Variants in MAGEE1 observed in about 807,000 individuals in gnomAD.
MAGEE1 encodes the protein melanoma-associated antigen E1.
In MAGEE1, 3 loss-of-function variants were observed where a neutral mutation model predicts 12.0. That is an observed-to-expected ratio of 0.25 (90% CI 0.11 to 0.65). The LOEUF (loss-of-function observed/expected upper bound fraction) is 0.65. Among genes scored for constraint, MAGEE1 ranks in the 30% least tolerant of loss-of-function variants. MAGEE1 has a pLI of 0.84. For missense variants in MAGEE1, 729 were observed against 772.2 expected (o/e 0.94, Z 0.66); for synonymous variants, 414 against 326.1 (o/e 1.27, Z -2.91).
At position 76,428,350 on chromosome X, in the gene MAGEE1, G is replaced by C. The variant is rs781983012; in HGVS notation, c.420G>C (p.Arg140Ser). ...CCTCTGAGGGCCGGAACACCTCCAG[G>C]CCGCCCACTTCCTCTGAGGAACCTA... ...LAASEGRNTS[R>S]PPTSSEEPST... Residue 140 changes from arginine to serine, a missense_variant, in exon 1 of 1, where the codon AGG becomes AGC. Coordinates refer to ENST00000361470, the MANE Select transcript of MAGEE1 (RefSeq NM_020932.3). 6.6e-6 allele frequency: 8 copies of C among 1,210,456 alleles called. No individual in the cohort carries two copies. The highest frequency in any genetic ancestry group is 8.9e-6 in the Non-Finnish European group (8 of 895,242).
chrX:76,429,199 C>T lies in MAGEE1; in HGVS notation c.1269C>T (p.Asp423=). 8.3e-7 allele frequency: 1 copy of T among 1,212,090 alleles called. No homozygotes were observed. Among genetic ancestry groups the T allele is most frequent in the Non-Finnish European group, 1.1e-6 (1 of 895,575 alleles). ...TGTTTAGCTCTAGTGCTTCTGTGGA[C>T]CGGAACCCCTCCAAGTGTTCCCTTG... ...STLFSSSASV[D]RNPSKCSLVL... Residue 423 remains aspartate (D), a synonymous_variant, in exon 1 of 1, where the codon GAC becomes GAT. Transcript: ENST00000361470.
In MAGEE1 at chrX:76,429,998, G is replaced by T. The variant is rs1556839830; in HGVS notation, c.2068G>T (p.Ala690Ser). Residue 690 changes from alanine (A) to serine (S), a missense_variant, in exon 1 of 1, where the codon GCT becomes TCT. By Grantham distance (99) the Ala-to-Ser change is moderately conservative. Coordinates refer to ENST00000361470, the MANE Select transcript of MAGEE1 (RefSeq NM_020932.3). ...PMDWPEKYNE[A>S]LEEDAARAFA... ...GGATTGGCCAGAGAAATACAACGAAGCTCTGGAAGAAGATGCTGCCAGAGC... is the reference window on the plus strand; with the variant it reads ...GGATTGGCCAGAGAAATACAACGAATCTCTGGAAGAAGATGCTGCCAGAGC... 1 of 1,210,157 alleles carries T rather than the reference G, an allele frequency of 8.3e-7. No homozygotes were observed. The highest frequency in any genetic ancestry group is 2.2e-5 in the Admixed American group (1 of 45,910).
chrX:76,431,041 A>G lies in MAGEE1; in HGVS notation c.*237A>G. ...GCTGTCTCTGTTGTATTTTGGTATG[A>G]GTTTTGATAGCTCTATAAAATGTTT... On this transcript the variant is annotated 3_prime_UTR_variant, in exon 1 of 1. Transcript: ENST00000361470. The G allele has an allele frequency of 2.8e-6, 1 of 353,189 alleles. No homozygotes were observed. The highest frequency in any genetic ancestry group is 2.6e-5 in the African/African-American group (1 of 38,822). 29.1% of individuals were successfully genotyped at this position (353,189 alleles called of 1,213,427 possible).
Position 76,429,803 on chromosome X carries a change from A to G in MAGEE1, c.1873A>G (p.Lys625Glu). ...GAGGCTTTCCATTTTTGGGAACCCA[A>G]AGAGACTTCTGTCTGTGGAGTTTGT... The part of the protein sequence containing the change: ...ERRLSIFGNP[K>E]RLLSVEFVWQ... The change falls in exon 1 of 1, where the codon AAG becomes GAG. Residue 625 changes from lysine (K) to glutamate (E), a missense_variant. This residue lies in a region of MAGEE1 where 91 missense variants were observed against 133.8 expected (regional missense o/e 0.68). Transcript: ENST00000361470. 4 of 1,211,698 alleles carry G rather than the reference A, an allele frequency of 3.3e-6. No homozygotes were observed. The highest frequency in any genetic ancestry group is 4.5e-6 in the Non-Finnish European group (4 of 895,506).
In MAGEE1 at chrX:76,428,564, G is replaced by C. The variant is rs782033248; in HGVS notation, c.634G>C (p.Val212Leu). 1 of 1,206,079 alleles carries C rather than the reference G, an allele frequency of 8.3e-7. No individual in the cohort carries two copies. The highest frequency in any genetic ancestry group is 1.8e-5 in the African/African-American group (1 of 56,608). Residue 212 changes from valine (V) to leucine (L), a missense_variant, in exon 1 of 1, where the codon GTG (valine) becomes CTG (leucine). Transcript: ENST00000361470. ...ACCTGGTGAGGGACCAGGCACCTCCGTGCCGCTCGCCGCCACTGAGGGCCT... is the reference window on the plus strand; with the variant it reads ...ACCTGGTGAGGGACCAGGCACCTCCCTGCCGCTCGCCGCCACTGAGGGCCT... The part of the protein sequence containing the change: ...PTPGEGPGTS[V>L]PLAATEGLST...
In MAGEE1 at chrX:76,430,375, C is replaced by T. The variant is rs1923350228; in HGVS notation, c.2445C>T (p.Tyr815=). Residue 815 remains tyrosine, a synonymous_variant, in exon 1 of 1, where the codon TAC becomes TAT. Transcript: ENST00000361470. ...LDPRNHSYTL[Y]NRREMEETEE... ...CCAGGAATCACTCCTATACTCTGTA[C>T]AACCGAAGGGAGATGGAAGAAACTG... 2.5e-6 allele frequency: 3 copies of T among 1,210,262 alleles called. No homozygotes were observed. In the South Asian group the frequency reaches 5.3e-5, roughly 21 times the overall value.
Position 76,430,052 on chromosome X carries a change from C to A in MAGEE1, c.2122C>A (p.His708Asn), listed in dbSNP as rs1556839839. The A allele has an allele frequency of 6.6e-6, 8 of 1,209,073 alleles. No individual in the cohort carries two copies. The highest frequency in any genetic ancestry group is 8.9e-6 in the Non-Finnish European group (8 of 893,957). ...AFAEGWQALPHFRRPFFEEAA... is the reference protein window; with the variant it reads ...AFAEGWQALPNFRRPFFEEAA... ...TGCTGAGGGTTGGCAGGCTCTCCCT[C>A]ACTTTAGGAGGCCCTTTTTTGAGGA... The change falls in exon 1 of 1, where the codon CAC (histidine) becomes AAC (asparagine). Residue 708 changes from histidine (H) to asparagine (N), a missense_variant. Transcript: ENST00000361470.
rs1556839070 is a variant in MAGEE1 at position 76,427,948 on chromosome X, G to A, written c.18G>A (p.Gln6=). MSLVS[Q]NSRRRRRRVA... is the part of the protein sequence containing the mutation. Reference sequence around the variant, plus strand: ...GCAGGACCATGTCTCTGGTAAGCCAGAATTCGCGCCGCCGCCGCCGCCGCG... The same window carrying A: ...GCAGGACCATGTCTCTGGTAAGCCAAAATTCGCGCCGCCGCCGCCGCCGCG... The change falls in exon 1 of 1, where the codon CAG becomes CAA. Residue 6 remains glutamine, a synonymous_variant. Transcript: ENST00000361470. 11 of 1,199,255 alleles carry A rather than the reference G, an allele frequency of 9.2e-6. No homozygotes were observed. Among genetic ancestry groups the A allele is most frequent in the Non-Finnish European group, 1.2e-5 (11 of 890,388 alleles).
Position 76,429,531 on chromosome X carries a change from G to T in MAGEE1, c.1601G>T (p.Arg534Met), listed in dbSNP as rs1556839706. 1 of 1,209,513 alleles carries T rather than the reference G, an allele frequency of 8.3e-7. No individual in the cohort carries two copies. Among genetic ancestry groups the T allele is most frequent in the Admixed American group, 2.2e-5 (1 of 45,722 alleles). Residue 534 changes from arginine (R) to methionine (M), a missense_variant, in exon 1 of 1, where the codon AGG becomes ATG. Arg to Met is a moderately conservative substitution (Grantham distance 91). Coordinates refer to ENST00000361470, the MANE Select transcript of MAGEE1 (RefSeq NM_020932.3). ...EYRNQFPEIL[R>M]RAAAHLECIF... ...CGCAACCAGTTTCCTGAGATACTCA[G>T]GCGAGCAGCAGCCCACCTGGAGTGC... is the stretch of plus-strand genomic sequence containing the variant.
At position 76,427,735 on chromosome X, in the gene MAGEE1, G is replaced by A. The variant is rs1333178070; in HGVS notation, c.-196G>A. ...ACAGTGAGACTAGCATTCACTGCTG[G>A]CCAGTGCCTGCCTTTTTCACCACCT... On this transcript the variant is annotated 5_prime_UTR_variant, in exon 1 of 1. Transcript: ENST00000361470. 3 of 460,132 alleles carry A rather than the reference G, an allele frequency of 6.5e-6. No homozygotes were observed. The highest frequency in any genetic ancestry group is 4.8e-5 in the African/African-American group (2 of 41,531). The allele number at this position is 460,132 out of a possible 1,213,427, so 37.9% of individuals were successfully genotyped here. A position where few individuals can be genotyped will look rare whatever the true frequency, so the allele number is the denominator to read the frequency against.
In MAGEE1 at chrX:76,428,956, C is replaced by T; in HGVS notation, c.1026C>T (p.Thr342=). 8.3e-7 allele frequency: 1 copy of T among 1,210,822 alleles called. No individual in the cohort carries two copies. Among genetic ancestry groups the T allele is most frequent in the Non-Finnish European group, 1.1e-6 (1 of 895,378 alleles). The stretch of plus-strand genomic sequence containing the variant: ...CCACCGCCACTGAGGAGTTGAGCAC[C>T]TCCGTGCCGCCCACTCCCGGTGAGG... ...VPPTATEELS[T]SVPPTPGEGP... The change falls in exon 1 of 1, where the codon ACC becomes ACT. Residue 342 remains threonine (T), a synonymous_variant. Transcript: ENST00000361470.
rs782535838 is a variant in MAGEE1, at chrX:76,429,759, T to C, written c.1829T>C (p.Met610Thr). The change falls in exon 1 of 1, where the codon ATG becomes ACG. Residue 610 changes from methionine to threonine, a missense_variant. Around this residue, in one of 4 missense-constraint regions of MAGEE1, gnomAD observed 91 missense variants for 133.8 expected, o/e 0.68. Transcript: ENST00000361470. ...EAEIWEMLWRMGVQRERRLSI... is the reference protein window; with the variant it reads ...EAEIWEMLWRTGVQRERRLSI... Reference sequence around the variant, plus strand: ...GAGATTTGGGAAATGCTCTGGAGGATGGGGGTGCAGCGGGAAAGGAGGCTT... The same window carrying C: ...GAGATTTGGGAAATGCTCTGGAGGACGGGGGTGCAGCGGGAAAGGAGGCTT... 20 of 1,208,937 alleles carry C rather than the reference T, an allele frequency of 1.7e-5. No homozygotes were observed. The highest frequency in any genetic ancestry group is 2.2e-5 in the Non-Finnish European group (20 of 895,054).
In MAGEE1 at chrX:76,428,291, T is replaced by C. The variant is rs1556839186; in HGVS notation, c.361T>C (p.Ser121Pro). ...GLSTSGPPTI[S>P]KGLCTSVTLA... is the part of the protein sequence containing the mutation. ...AAGCACCTCCGGGCCTCCCACCATC[T>C]CTAAGGGGCTGTGCACCTCTGTGAC... is the stretch of plus-strand genomic sequence containing the variant. Residue 121 changes from serine to proline, a missense_variant, in exon 1 of 1, where the codon TCT (serine) becomes CCT (proline). Coordinates refer to ENST00000361470, the MANE Select transcript of MAGEE1 (RefSeq NM_020932.3). The C allele has an allele frequency of 5.0e-6, 6 of 1,202,662 alleles. No homozygotes were observed. The highest frequency in any genetic ancestry group is 6.7e-6 in the Non-Finnish European group (6 of 892,509).
Position 76,428,371 on chromosome X carries a change from A to G in MAGEE1, c.441A>G (p.Glu147=). 2 of 1,204,512 alleles carry G rather than the reference A, an allele frequency of 1.7e-6. No individual in the cohort carries two copies. The highest frequency in any genetic ancestry group is 2.2e-6 in the Non-Finnish European group (2 of 893,157). Residue 147 remains glutamate (E), a synonymous_variant, in exon 1 of 1, where the codon GAA becomes GAG. Transcript: ENST00000361470. ...CCAGGCCGCCCACTTCCTCTGAGGA[A>G]CCTAGCACCTCCGTGCCGCCCACCG... is the stretch of plus-strand genomic sequence containing the variant. ...NTSRPPTSSE[E]PSTSVPPTAS...
rs1923362999 is a variant in MAGEE1 at position 76,430,746 on chromosome X, A to T, written c.2816A>T (p.Asp939Val). The T allele has an allele frequency of 8.3e-7, 1 of 1,207,432 alleles. No homozygotes were observed. The highest frequency in any genetic ancestry group is 1.8e-5 in the African/African-American group (1 of 56,574). Reference sequence around the variant, plus strand: ...CAGCAGTACAGGGAGGCAATGGAAGATGAGGCCAATAGAGCTGATGTTGGG... The same window carrying T: ...CAGCAGTACAGGGAGGCAATGGAAGTTGAGGCCAATAGAGCTGATGTTGGG... Reference protein sequence around the residue: ...WPQQYREAMEDEANRADVGHR... With the variant: ...WPQQYREAMEVEANRADVGHR... The change falls in exon 1 of 1, where the codon GAT becomes GTT. Residue 939 changes from aspartate (D) to valine (V), a missense_variant. Coordinates refer to ENST00000361470, the MANE Select transcript of MAGEE1 (RefSeq NM_020932.3).
rs782813114 is a variant in MAGEE1, at chrX:76,429,418, T to C, written c.1488T>C (p.Ala496=). ...AAGACCCTATGGAACAGAACGTAGCTGAGCTGTTGCAGTTCCTGCTGGTGA... is the reference window on the plus strand; with the variant it reads ...AAGACCCTATGGAACAGAACGTAGCCGAGCTGTTGCAGTTCCTGCTGGTGA... ...KPQDPMEQNV[A]ELLQFLLVKD... Residue 496 remains alanine, a synonymous_variant, in exon 1 of 1, where the codon GCT becomes GCC. Coordinates refer to ENST00000361470, the MANE Select transcript of MAGEE1 (RefSeq NM_020932.3). 6.6e-6 allele frequency: 8 copies of C among 1,209,638 alleles called. No homozygotes were observed.
chrX:76,427,885 G>T lies in MAGEE1; in HGVS notation c.-46G>T, dbSNP rs781927616. On this transcript the variant is annotated 5_prime_UTR_variant, in exon 1 of 1. Transcript: ENST00000361470. The stretch of plus-strand genomic sequence containing the variant: ...TCCCGTCCTCTCTGCCAGATCGCGG[G>T]CCTGTCGGTGTCTGCTCCTACACGC... 1.1e-5 allele frequency: 13 copies of T among 1,147,475 alleles called. No individual in the cohort carries two copies. In the South Asian group the frequency reaches 2.7e-4, roughly 24 times the overall value. The allele number at this position is 1,147,475 out of a possible 1,213,427, so 94.6% of individuals were successfully genotyped here. A position where few individuals can be genotyped will look rare whatever the true frequency, so the allele number is the denominator to read the frequency against.
chrX:76,429,359 A>G lies in MAGEE1; in HGVS notation c.1429A>G (p.Asn477Asp), dbSNP rs782402354. 7 of 1,209,865 alleles carry G rather than the reference A, an allele frequency of 5.8e-6. No individual in the cohort carries two copies. Among genetic ancestry groups the G allele is most frequent in the Non-Finnish European group, 7.8e-6 (7 of 895,183 alleles). ...SPNSISIMGLNTSRVAITLKP... is the reference protein window; with the variant it reads ...SPNSISIMGLDTSRVAITLKP... The stretch of plus-strand genomic sequence containing the variant: ...CAACTCCATTAGTATTATGGGCCTC[A>G]ATACTTCCCGGGTTGCAATTACCCT... The change falls in exon 1 of 1, where the codon AAT becomes GAT. Residue 477 changes from asparagine to aspartate, a missense_variant. Physicochemically the swap from Asn to Asp is conservative, Grantham distance 23. Around this residue, in one of 4 missense-constraint regions of MAGEE1, gnomAD observed 473 missense variants for 423.7 expected, o/e 1.12. Transcript: ENST00000361470.
At position 76,427,889 on chromosome X, in the gene MAGEE1, G is replaced by T. The variant is rs782800275; in HGVS notation, c.-42G>T. On this transcript the variant is annotated 5_prime_UTR_variant, in exon 1 of 1. Transcript: ENST00000361470. ...GTCCTCTCTGCCAGATCGCGGGCCT[G>T]TCGGTGTCTGCTCCTACACGCCAAC... 70 of 1,155,230 alleles carry T rather than the reference G, an allele frequency of 6.1e-5. No individual in the cohort carries two copies. The Admixed American group carries it at 1.8e-3, about 30-fold the overall frequency.
Sources: allele counts gnomAD v4.1 joint callset, GRCh38; gene constraint gnomAD v4.1.1; regional missense constraint gnomAD v4.1.1; transcripts MANE v1.5; gene names NCBI Gene and HGNC (gene_info 2026-07-23, HGNC 2026-07-21).